MTA3: variants seen among roughly 807,000 people sequenced by gnomAD.
The protein encoded by MTA3 is metastasis-associated protein MTA3.
In MTA3, 34 loss-of-function variants were observed where a neutral mutation model predicts 83.5. That is an observed-to-expected ratio of 0.41 (90% CI 0.31 to 0.54). MTA3 has a LOEUF of 0.54. MTA3 is among the 20% of genes least tolerant of loss of function. The pLI is 0.33. For missense variants in MTA3, 761 were observed against 726.4 expected (o/e 1.05, Z -0.55); for synonymous variants, 303 against 252.7 (o/e 1.20, Z -1.89).
At chr2:42,591,214 G>A (rs1316300678) in intron 3 of MTA3, among the ~76,000 whole-genome samples, 1 of 152,166 alleles carries the variant, frequency 6.6e-6, no homozygotes, top group African/African-American at 2.4e-5. Context: ...GTATGCAGGT[G>A]TTACCCAATT....
At chr2:42,544,526 A>C (rs1676670330) in intron 2 of MTA3, among the ~76,000 whole-genome samples, 1 of 150,832 alleles carries the variant, frequency 6.6e-6, no homozygotes, top group African/African-American at 2.4e-5. Flanking sequence ...GCACTAAAAT[A>C]CCAAAAATAA....
intron 2 of MTA3, among the ~76,000 whole-genome samples, chr2:42,510,875 C>T (rs780236422): frequency 1.3e-5 from 2 of 152,284 alleles, no homozygotes; most frequent in African/African-American, 4.8e-5. Context: ...GGATTCTGTT[C>T]GGAAGAAAAA....
chr2:42,646,061 T>A (rs1688151250), intron 6 of MTA3, among the ~76,000 whole-genome samples: 1 of 152,198 alleles, frequency 6.6e-6, no homozygotes, highest in Non-Finnish European at 1.5e-5. Context: ...AGAATTACAC[T>A]AAATCTGCTC....
intron 16 of MTA3, among the ~76,000 whole-genome samples, chr2:42,737,816 C>T (rs1668719311): frequency 6.6e-6 from 1 of 152,078 alleles, no homozygotes; most frequent in South Asian, 2.1e-4. Flanking sequence ...GTGTTTTTTC[C>T]ACCGAATGAA....
chr2:42,511,199 C>T (rs1674879449), intron 2 of MTA3, among the ~76,000 whole-genome samples: 5 of 152,120 alleles, frequency 3.3e-5, no homozygotes, highest in Admixed American at 2.6e-4. Context: ...ACCAAAATAG[C>T]ATTGACTCCA....
At chr2:42,709,279 G>T in intron 14 of MTA3, 183 bp downstream of exon 14, 1 of 1,282,266 alleles carries the variant, frequency 7.8e-7, no homozygotes. Context: ...TGCCAACCTG[G>T]AAAAAAAAAA....
intron 3 of MTA3, among the ~76,000 whole-genome samples, chr2:42,594,143 G>T (rs1367965822): frequency 6.6e-6 from 1 of 151,540 alleles, no homozygotes; most frequent in Non-Finnish European, 1.5e-5. Flanking sequence ...GTAGAGGTGG[G>T]ATTTCACTAT....
Position 42,755,564 on chromosome 2 carries a change from GT to G in MTA3, c.*2167del. The G allele has an allele frequency of 1.0e-6, 1 of 985,492 alleles. No individual in the cohort carries two copies. 61.0% of individuals were successfully genotyped at this position (985,492 alleles called of 1,614,324 possible). ...AGTCCAGTCATCCTAGGAGGGTGAT[GT>G]TGACTGAGACTTCACGCTCTCCCTT... On this transcript the variant is annotated 3_prime_UTR_variant, in exon 17 of 17. Coordinates refer to ENST00000405094, the MANE Select transcript of MTA3 (RefSeq NM_001330442.2).
At chr2:42,717,666 C>A (rs765558738) in intron 14 of MTA3, among the ~76,000 whole-genome samples, 2 of 152,146 alleles carry the variant, frequency 1.3e-5, no homozygotes, top group Non-Finnish European at 2.9e-5. Context: ...ACACAGGTAG[C>A]CTTTTAAATC....
chr2:42,622,757 G>A (rs1056626850), intron 4 of MTA3, among the ~76,000 whole-genome samples: 6 of 151,656 alleles, frequency 4.0e-5, no homozygotes, highest in African/African-American at 1.2e-4. Flanking sequence ...CTCTCAAAGT[G>A]CTGGGATTAT....
intron 8 of MTA3, among the ~76,000 whole-genome samples, chr2:42,676,915 A>AG (rs1318324623): frequency 2.6e-5 from 4 of 152,214 alleles, no homozygotes; most frequent in Admixed American, 6.5e-5. Flanking sequence ...CCTAAATGCT[A>AG]TTGATCTTTC....
At chr2:42,726,022 A>G (rs552976437) in intron 16 of MTA3, among the ~76,000 whole-genome samples, 22 of 152,204 alleles carry the variant, frequency 1.4e-4, no homozygotes, top group African/African-American at 2.2e-4. Context: ...AGTTTCCAAG[A>G]TGAACTCAAA....
intron 6 of MTA3, among the ~76,000 whole-genome samples, chr2:42,651,049 A>G (rs1422149265): frequency 2.0e-5 from 3 of 152,234 alleles, no homozygotes; most frequent in Non-Finnish European, 4.4e-5. Flanking sequence ...CTCCCAGGCT[A>G]CAAACCTGTA....
intron 2 of MTA3, among the ~76,000 whole-genome samples, chr2:42,522,994 G>A (rs1253408363): frequency 6.6e-6 from 1 of 151,428 alleles, no homozygotes; most frequent in African/African-American, 2.4e-5. Context: ...TTTCTTTGTA[G>A]AAACAGGGTC....
chr2:42,606,201 C>A (rs1683366487), intron 3 of MTA3, among the ~76,000 whole-genome samples: 2 of 7,716 alleles, frequency 2.6e-4, no homozygotes, highest in Non-Finnish European at 2.1e-4. Flanking sequence ...GGGGGCTGAC[C>A]CCCCCCCACC....
At chr2:42,586,426 G>GAA (rs200554169) in intron 3 of MTA3, among the ~76,000 whole-genome samples, 1 of 42,926 alleles carries the variant, frequency 2.3e-5, no homozygotes, top group Non-Finnish European at 5.0e-5. Context: ...ATCTAAAAGT[G>GAA]AAAAAAAAAA....
intron 11 of MTA3, among the ~76,000 whole-genome samples, chr2:42,699,062 G>A (rs1282884140): frequency 1.3e-5 from 2 of 152,100 alleles, no homozygotes. Flanking sequence ...GGCTAGTTTT[G>A]ACCAAGTAAC....
intron 16 of MTA3, among the ~76,000 whole-genome samples, chr2:42,744,829 G>T (rs1669297408): frequency 6.6e-6 from 1 of 152,184 alleles, no homozygotes; most frequent in African/African-American, 2.4e-5. Flanking sequence ...GGGAAGTAAA[G>T]AACAACCCCA....
At chr2:42,685,540 G>A (rs1264728059) in intron 9 of MTA3, among the ~76,000 whole-genome samples, 1 of 152,190 alleles carries the variant, frequency 6.6e-6, no homozygotes, top group African/African-American at 2.4e-5. Flanking sequence ...CCGGCAGGGT[G>A]CCTTTAGTAC....
Sources: allele counts gnomAD v4.1 joint callset (sites outside exome capture counted in the v4.1 genomes callset), GRCh38; gene constraint gnomAD v4.1.1; transcripts MANE v1.5; gene names NCBI Gene and HGNC (gene_info 2026-07-23, HGNC 2026-07-21).